KAZN: variants seen among roughly 807,000 people sequenced by gnomAD.
KAZN encodes the protein kazrin.
In KAZN, 40 loss-of-function variants were observed where a neutral mutation model predicts 87.4. The ratio of observed to expected loss-of-function variants is 0.46; its 90% CI spans 0.36 to 0.60. The LOEUF (loss-of-function observed/expected upper bound fraction) is 0.60. Among genes scored for constraint, KAZN ranks in the 20% least tolerant of loss-of-function variants. KAZN has a pLI of 0.00. For missense variants in KAZN, 898 were observed against 1,073.9 expected (o/e 0.84, Z 2.29); for synonymous variants, 466 against 458.3 (o/e 1.02, Z -0.22).
intron 2 of KAZN, among the ~76,000 whole-genome samples, chr1:14,986,178 G>A (rs1666805062): frequency 2.0e-5 from 3 of 152,074 alleles, no homozygotes; most frequent in South Asian, 4.2e-4. Flanking sequence ...GGAGATGTTT[G>A]GAGAAGCTTG....
At chr1:15,040,468 C>G (rs979097246) in intron 3 of KAZN, among the ~76,000 whole-genome samples, 4 of 152,060 alleles carry the variant, frequency 2.6e-5, no homozygotes, top group African/African-American at 9.7e-5. Context: ...CTTGGCCTGT[C>G]CAGAATGTGG....
intron 2 of KAZN, among the ~76,000 whole-genome samples, chr1:14,395,357 C>T (rs1013349858): frequency 6.6e-6 from 1 of 151,884 alleles, no homozygotes; most frequent in African/African-American, 2.4e-5. Flanking sequence ...TTTTTAAGTG[C>T]TTGGAATAGT....
chr1:14,058,590 T>C (rs1642670569), intron 1 of KAZN, among the ~76,000 whole-genome samples: 1 of 152,174 alleles, frequency 6.6e-6, no homozygotes. Context: ...GCCCTTGATA[T>C]GACAATCTGG....
chr1:14,787,348 G>A (rs1737360), intron 1 of KAZN, among the ~76,000 whole-genome samples: 101,995 of 151,962 alleles, frequency 0.67, 34,700 homozygotes, highest in South Asian at 0.78. Context: ...AGTGAGGTTG[G>A]ATAACTGGCT....
At chr1:14,736,891 G>A (rs1320267058) in intron 1 of KAZN, among the ~76,000 whole-genome samples, 1 of 152,192 alleles carries the variant, frequency 6.6e-6, no homozygotes, top group Non-Finnish European at 1.5e-5. Flanking sequence ...AGCACCAGCT[G>A]TATGCCAGGT....
Position 14,229,214 on chromosome 1 carries a change from C to T in KAZN, c.249+48622C>T, listed in dbSNP as rs1478358695. Among the ~76,000 whole-genome samples the T allele has an allele frequency of 2.6e-5, 4 of 152,086 alleles. No homozygotes were observed. The East Asian group carries it at 7.7e-4, about 29-fold the overall frequency. ...TGTGGTTCTTTAATTCAATTGCAGC[C>T]AACTGGGTTTCTCTCTCCTTAGCTC... On this transcript the variant is annotated intron_variant, in intron 2 of 16. Transcript: ENST00000636203.
At chr1:14,431,476 T>C (rs551388952) in intron 2 of KAZN, among the ~76,000 whole-genome samples, 111 of 152,300 alleles carry the variant, frequency 7.3e-4, no homozygotes, top group Non-Finnish European at 1.4e-3. Flanking sequence ...AGATGTCCAC[T>C]TGCTTGAATT....
At chr1:14,647,011 T>C (rs140951378) in intron 1 of KAZN, among the ~76,000 whole-genome samples, 134 of 152,262 alleles carry the variant, frequency 8.8e-4, no homozygotes, top group South Asian at 1.9e-3. Flanking sequence ...ACACCCATGT[T>C]ACCCCATACT....
intron 1 of KAZN, among the ~76,000 whole-genome samples, chr1:14,656,384 G>A (rs1055496697): frequency 3.3e-5 from 5 of 152,194 alleles, no homozygotes; most frequent in African/African-American, 1.2e-4. Flanking sequence ...GCTCAGAGGA[G>A]GATGCTGGCT....
Position 15,089,611 on chromosome 1 carries a change from A to G in KAZN, c.1223-4569A>G, listed in dbSNP as rs146252357. On this transcript the variant is annotated intron_variant, in intron 8 of 14. Transcript: ENST00000376030. ...CTGAAAAAACAGACATCAGAAAAAAATATCTCCTATATGATGAATGTATTT... is the reference window on the plus strand; with the variant it reads ...CTGAAAAAACAGACATCAGAAAAAAGTATCTCCTATATGATGAATGTATTT... Among the ~76,000 whole-genome samples the G allele has an allele frequency of 6.1e-3, 926 of 152,298 alleles. 4 individuals are homozygous for G. The highest frequency in any genetic ancestry group is 9.7e-3 in the Non-Finnish European group (659 of 68,014).
chr1:14,476,320 A>G (rs1571743265), intron 2 of KAZN, among the ~76,000 whole-genome samples: 1 of 152,186 alleles, frequency 6.6e-6, no homozygotes, highest in African/African-American at 2.4e-5. Flanking sequence ...ATAGTTTTGC[A>G]ATTTCTTGCC....
At chr1:14,257,116 G>A (rs1270524182) in intron 2 of KAZN, among the ~76,000 whole-genome samples, 7 of 152,104 alleles carry the variant, frequency 4.6e-5, no homozygotes, top group African/African-American at 7.2e-5. Flanking sequence ...TGCCTGTTCA[G>A]CCCTGGATGT....
chr1:14,688,287 G>T (rs925562320), intron 1 of KAZN, among the ~76,000 whole-genome samples: 4 of 152,150 alleles, frequency 2.6e-5, no homozygotes, highest in Admixed American at 1.3e-4. Context: ...ACTTTCCCTC[G>T]CTGGGCCTGT....
At chr1:14,682,845 T>C (rs1278015574) in intron 1 of KAZN, among the ~76,000 whole-genome samples, 1 of 152,202 alleles carries the variant, frequency 6.6e-6, no homozygotes, top group Non-Finnish European at 1.5e-5. Context: ...CATCTTTTTA[T>C]TGTAAGAGAT....
At chr1:14,880,785 G>A (rs1024009741) in intron 1 of KAZN, among the ~76,000 whole-genome samples, 2 of 152,176 alleles carry the variant, frequency 1.3e-5, no homozygotes, top group South Asian at 2.1e-4. Flanking sequence ...AGCTTTCCAA[G>A]GGAACCAACC....
chr1:15,035,235 C>T (rs890448409), intron 3 of KAZN, among the ~76,000 whole-genome samples: 34 of 152,178 alleles, frequency 2.2e-4, no homozygotes, highest in Admixed American at 2.2e-3. Context: ...AGTAAGGACT[C>T]TATGAGATGA....
rs140369267 is a variant in KAZN, at chr1:14,802,632, C to T, written c.227-158052C>T. Reference sequence around the variant, plus strand: ...CCGTCTCGGGGCTGGGAAACCTGCTCCTGTGCTTCCACGATCAGGGGGTTG... The same window carrying T: ...CCGTCTCGGGGCTGGGAAACCTGCTTCTGTGCTTCCACGATCAGGGGGTTG... On this transcript the variant is annotated intron_variant, in intron 1 of 14. Coordinates refer to ENST00000376030, the MANE Select transcript of KAZN (RefSeq NM_201628.3). Among the ~76,000 whole-genome samples the T allele has an allele frequency of 1.6e-3, 245 of 152,288 alleles. 1 individual carries two copies. The highest frequency in any genetic ancestry group is 2.4e-3 in the Non-Finnish European group (166 of 68,016).
intron 8 of KAZN, among the ~76,000 whole-genome samples, chr1:15,069,303 CAAGG>C (rs1303177797): frequency 6.6e-6 from 1 of 152,146 alleles, no homozygotes; most frequent in Non-Finnish European, 1.5e-5. Context: ...AGTTGGCATA[CAAGG>C]ATAAAGCCTT....
At chr1:14,678,021 G>T (rs994856203) in intron 1 of KAZN, among the ~76,000 whole-genome samples, 1 of 152,204 alleles carries the variant, frequency 6.6e-6, no homozygotes, top group African/African-American at 2.4e-5. Flanking sequence ...GTGACTGTCT[G>T]GTGTGGCAGA....
Sources: allele counts gnomAD v4.1 joint callset (sites outside exome capture counted in the v4.1 genomes callset), GRCh38; gene constraint gnomAD v4.1.1; transcripts MANE v1.5; gene names NCBI Gene and HGNC (gene_info 2026-07-23, HGNC 2026-07-21).